The following SORCS1 variants were observed in gnomAD, a reference collection of about 807,000 sequenced individuals.
SORCS1 encodes VPS10 domain-containing receptor SorCS1.
In SORCS1, 60 loss-of-function variants were observed where a neutral mutation model predicts 146.1. The observed-to-expected ratio is 0.41, with a 90% confidence interval of 0.33 to 0.51. The LOEUF is 0.51. Ranked by LOEUF, SORCS1 falls within the 20% of genes least tolerant of loss-of-function variation. The pLI is 0.21. For synonymous variants in SORCS1, 637 were observed against 584.0 expected, an observed-to-expected ratio of 1.09 and a Z score of -1.31; for missense variants, 1,352 against 1,487.6, an observed-to-expected ratio of 0.91 and a Z score of 1.50.
At chr10:106,987,383 C>T (rs1423902552) in intron 1 of SORCS1, among the ~76,000 whole-genome samples, 1 of 152,224 alleles carries the variant, frequency 6.6e-6, no homozygotes, top group African/African-American at 2.4e-5. Flanking sequence ...ACAGTAGTTT[C>T]TACCTGCTCC....
At chr10:106,794,474 T>C (rs1331637360) in intron 3 of SORCS1, among the ~76,000 whole-genome samples, 1 of 151,434 alleles carries the variant, frequency 6.6e-6, no homozygotes, top group Non-Finnish European at 1.5e-5. Flanking sequence ...CGTCCTATGC[T>C]CACTAGCATT....
chr10:106,703,237 G>C (rs1854261264), intron 8 of SORCS1, among the ~76,000 whole-genome samples: 2 of 151,314 alleles, frequency 1.3e-5, no homozygotes, highest in African/African-American at 2.4e-5. Context: ...TTCAAAGCAA[G>C]TTAGTGACAG....
At chr10:107,087,049 A>C (rs1407139012) in intron 1 of SORCS1, among the ~76,000 whole-genome samples, 3 of 152,202 alleles carry the variant, frequency 2.0e-5, no homozygotes, top group African/African-American at 4.8e-5. Context: ...ACAAACAAAA[A>C]CAAAATACTA....
At chr10:106,636,310 C>G (rs886931925) in intron 18 of SORCS1, among the ~76,000 whole-genome samples, 2 of 152,092 alleles carry the variant, frequency 1.3e-5, no homozygotes, top group Non-Finnish European at 2.9e-5. Flanking sequence ...ACAAGATCCC[C>G]TGGGTGGTCA....
chr10:107,023,956 T>C lies in SORCS1; in HGVS notation c.559-67376A>G, dbSNP rs528355413. ...ACTTATAAAGAGAGGTTCAGGTCAT[T>C]TGAGGTCAGGAGTTCGAGACCAGCC... On this transcript the variant is annotated intron_variant, in intron 1 of 25. Transcript: ENST00000263054. Among the ~76,000 whole-genome samples, 42 of 151,998 alleles carry C rather than the reference T, an allele frequency of 2.8e-4. 1 individual carries two copies. The East Asian group carries it at 8.0e-3, about 29-fold the overall frequency.
Position 106,577,142 on chromosome 10 carries a change from T to C in SORCS1, c.*278A>G, listed in dbSNP as rs959044486. ...AAGTCCCGATGCAGTGAGTGTTTGT[T>C]TGTTTGTTTGGATTTTGATTGTTTA... On this transcript the variant is annotated 3_prime_UTR_variant, in exon 26 of 26. Transcript: ENST00000263054. 12 of 1,259,228 alleles carry C rather than the reference T, an allele frequency of 9.5e-6. No individual in the cohort carries two copies. Among genetic ancestry groups the C allele is most frequent in the Admixed American group, 2.2e-5 (1 of 45,852 alleles). 78.0% of individuals were successfully genotyped at this position (1,259,228 alleles called of 1,614,324 possible).
At chr10:107,025,135 T>G (rs544783042) in intron 1 of SORCS1, among the ~76,000 whole-genome samples, 3 of 152,192 alleles carry the variant, frequency 2.0e-5, no homozygotes, top group African/African-American at 7.2e-5. Flanking sequence ...ATCTAAAAAA[T>G]GAAAGGCACA....
chr10:106,659,996 A>T (rs972715272), intron 17 of SORCS1, among the ~76,000 whole-genome samples: 1 of 152,246 alleles, frequency 6.6e-6, no homozygotes, highest in African/African-American at 2.4e-5. Context: ...CCCTGCAGTG[A>T]TGAGTCTGTA....
intron 3 of SORCS1, among the ~76,000 whole-genome samples, chr10:106,818,838 T>G (rs1947873655): frequency 6.6e-6 from 1 of 152,170 alleles, no homozygotes; most frequent in Non-Finnish European, 1.5e-5. Flanking sequence ...TTTCCCCTTC[T>G]CCTTTGACAA....
chr10:107,031,511 C>T (rs765103051), intron 1 of SORCS1, among the ~76,000 whole-genome samples: 10 of 152,080 alleles, frequency 6.6e-5, no homozygotes, highest in Non-Finnish European at 1.2e-4. Context: ...AAAAGACTGA[C>T]TTTTCTGCAA....
At chr10:106,585,021 A>G (rs1202569003) in intron 24 of SORCS1, among the ~76,000 whole-genome samples, 2 of 152,080 alleles carry the variant, frequency 1.3e-5, no homozygotes, top group African/African-American at 4.8e-5. Flanking sequence ...CACTTGTGAA[A>G]ATATTGTTAG....
chr10:107,164,311 G>C lies in SORCS1; in HGVS notation c.216C>G (p.Leu72=), dbSNP rs775319854. The C allele has an allele frequency of 1.9e-6, 3 of 1,574,718 alleles. No individual in the cohort carries two copies. The highest frequency in any genetic ancestry group is 2.3e-5 in the East Asian group (1 of 43,192). The change falls in exon 1 of 26, where the codon CTC becomes CTG. Residue 72 remains leucine, a synonymous_variant. Coordinates refer to ENST00000263054, the MANE Select transcript of SORCS1 (RefSeq NM_052918.5). The surrounding 1 kb of genome is among the most constrained non-coding windows in gnomAD (Gnocchi z 6.8). ...CCACTGAGAACAGGGGACGCACTACGAGGGGCAGGGGCGTGGCAGGAGCCC... is the reference window on the plus strand; with the variant it reads ...CCACTGAGAACAGGGGACGCACTACCAGGGGCAGGGGCGTGGCAGGAGCCC... ...PGRAPATPLP[L]VVRPLFSVAP...
intron 6 of SORCS1, among the ~76,000 whole-genome samples, chr10:106,711,123 T>C (rs1201266582): frequency 6.6e-6 from 1 of 152,232 alleles, no homozygotes; most frequent in African/African-American, 2.4e-5. Flanking sequence ...GTTGCTGTTA[T>C]TCACTGTTGT....
chr10:106,633,209 T>G (rs894033356), intron 18 of SORCS1, among the ~76,000 whole-genome samples: 9 of 152,160 alleles, frequency 5.9e-5, no homozygotes, highest in Non-Finnish European at 1.0e-4. Flanking sequence ...CACACATATT[T>G]ATGGGGGTAT....
At chr10:106,768,830 T>C (rs111762352) in intron 4 of SORCS1, among the ~76,000 whole-genome samples, 8 of 152,366 alleles carry the variant, frequency 5.3e-5, no homozygotes, top group African/African-American at 1.9e-4. Context: ...CTGGCATCTA[T>C]GCCATGTTTG....
intron 12 of SORCS1, 132 bp downstream of exon 12, chr10:106,679,124 G>A (rs544801424): frequency 1.2e-5 from 7 of 591,070 alleles, no homozygotes; most frequent in African/African-American, 1.1e-4. Flanking sequence ...ATATAAAAAG[G>A]AAAAATAAAC....
At chr10:106,909,778 A>G (rs551391625) in intron 2 of SORCS1, among the ~76,000 whole-genome samples, 1 of 152,120 alleles carries the variant, frequency 6.6e-6, no homozygotes, top group Non-Finnish European at 1.5e-5. Flanking sequence ...TGTCCATGAA[A>G]TTCGTTCTCC....
intron 1 of SORCS1, among the ~76,000 whole-genome samples, chr10:107,097,956 T>C (rs1445842689): frequency 6.6e-6 from 1 of 152,184 alleles, no homozygotes; most frequent in Non-Finnish European, 1.5e-5. Context: ...AAATGCCCAT[T>C]TTATGTCTGT....
At chr10:106,752,743 G>C (rs370806004) in intron 5 of SORCS1, among the ~76,000 whole-genome samples, 7 of 152,258 alleles carry the variant, frequency 4.6e-5, no homozygotes, top group African/African-American at 1.4e-4. Context: ...GGGTGTTGGT[G>C]GTGGAGCTAA....
Sources: gnomAD v4.1 joint callset for allele counts (sites outside exome capture counted in the v4.1 genomes callset) on GRCh38, gnomAD v4.1.1 for gene constraint, Gnocchi (gnomAD v3.1) non-coding constraint, MANE v1.5 for transcripts, NCBI Gene and HGNC (gene_info 2026-07-23, HGNC 2026-07-21) for gene names.